TCF4: variants seen among roughly 807,000 people sequenced by gnomAD.
The protein encoded by TCF4 is transcription factor 4.
TCF4 carries 3 observed loss-of-function variants against 82.1 expected under a neutral mutation model. The ratio of observed to expected loss-of-function variants is 0.04; its 90% CI spans 0.02 to 0.09. The LOEUF is 0.09. TCF4 is among the 10% of genes least tolerant of loss of function. The probability of loss-of-function intolerance (pLI) is 1.00; values close to 1 mark genes in which losing one functional copy is unlikely to be tolerated. For synonymous variants in TCF4, 276 were observed against 309.6 expected (o/e 0.89, Z 1.14); for missense variants, 518 against 852.7 (o/e 0.61, Z 4.89).
chr18:55,239,006 T>G (rs1244028880), intron 15 of TCF4, among the ~76,000 whole-genome samples: 2 of 152,220 alleles, frequency 1.3e-5, no homozygotes, highest in East Asian at 3.8e-4. Flanking sequence ...CGGCTTGGCC[T>G]GTCCCGTCCA....
chr18:55,610,752 G>A (rs1024923456), intron 2 of TCF4, among the ~76,000 whole-genome samples: 6 of 152,202 alleles, frequency 3.9e-5, no homozygotes, highest in African/African-American at 1.2e-4. Context: ...GTCTGGGAGA[G>A]TACAATTTAA....
At chr18:55,438,159 C>T (rs138961370) in intron 5 of TCF4, among the ~76,000 whole-genome samples, 76 of 151,158 alleles carry the variant, frequency 5.0e-4, no homozygotes, top group African/African-American at 1.7e-3. Flanking sequence ...AGAGATCATA[C>T]CACTGCACTC....
At chr18:55,311,310 G>A (rs2072347781) in intron 8 of TCF4, among the ~76,000 whole-genome samples, 1 of 152,166 alleles carries the variant, frequency 6.6e-6, no homozygotes, top group South Asian at 2.1e-4. Context: ...CACTTTGCAA[G>A]CAGGACTTCC....
chr18:55,260,061 C>A, intron 12 of TCF4, 34 bp from the exon 13 acceptor site: 1 of 1,472,014 alleles, frequency 6.8e-7, no homozygotes, highest in South Asian at 1.1e-5. Context: ...AAAACACCCT[C>A]ATTCATTAAA....
At chr18:55,548,015 A>G (rs1297429416) in intron 3 of TCF4, among the ~76,000 whole-genome samples, 1 of 152,228 alleles carries the variant, frequency 6.6e-6, no homozygotes. Context: ...GCCAGCTTCT[A>G]TGTGTTCAGA....
At chr18:55,407,555 A>T (rs766273846) in intron 5 of TCF4, among the ~76,000 whole-genome samples, 1 of 152,012 alleles carries the variant, frequency 6.6e-6, no homozygotes, top group Non-Finnish European at 1.5e-5. Context: ...TTTGATTATT[A>T]AAAATGGCAC....
intron 3 of TCF4, among the ~76,000 whole-genome samples, chr18:55,569,295 T>G (rs2097438868): frequency 6.6e-6 from 1 of 150,744 alleles, no homozygotes; most frequent in Admixed American, 6.6e-5. Flanking sequence ...GTGACAGATC[T>G]ACAGAAAAAA....
chr18:55,412,428 A>C (rs1480794021), intron 5 of TCF4, among the ~76,000 whole-genome samples: 2 of 151,910 alleles, frequency 1.3e-5, no homozygotes, highest in Admixed American at 1.3e-4. Context: ...AAAATATGAG[A>C]ATCCCGGAGT....
Position 55,275,695 on chromosome 18 carries a change from T to C in TCF4, c.713A>G (p.Tyr238Cys). ...AGAAGAGTTGCCCAACATTCCTGCATAGCCAGGCTGATTCATCCCACTGGA... is the reference window on the plus strand; with the variant it reads ...AGAAGAGTTGCCCAACATTCCTGCACAGCCAGGCTGATTCATCCCACTGGA... ...SSSSGMNQPG[Y>C]AGMLGNSSHI... The change falls in exon 10 of 20, where the codon TAT becomes TGT. Residue 238 changes from tyrosine to cysteine, a missense_variant. Tyr to Cys is a radical substitution (Grantham distance 194). Transcript: ENST00000354452. The C allele has an allele frequency of 6.2e-7, 1 of 1,613,936 alleles. No individual in the cohort carries two copies. Among genetic ancestry groups the C allele is most frequent in the Non-Finnish European group, 8.5e-7 (1 of 1,179,820 alleles).
In TCF4 at chr18:55,586,988, TG is replaced by T. The variant is rs1022073337; in HGVS notation, c.72+56del. 3 of 1,473,828 alleles carry T rather than the reference TG, an allele frequency of 2.0e-6. No individual in the cohort carries two copies. The Admixed American group carries it at 5.0e-5, about 25-fold the overall frequency. 91.3% of individuals were successfully genotyped at this position (1,473,828 alleles called of 1,614,324 possible). On this transcript the variant is annotated intron_variant, in intron 2 of 19. Coordinates refer to ENST00000354452, the MANE Select transcript of TCF4 (RefSeq NM_001083962.2). ...CCTACTGGTTTCTAGCTGAAGTGTT[TG>T]GGTTTTTGTTTTGTTTTTTTCACAG...
chr18:55,270,612 G>A (rs1384225335), intron 10 of TCF4, among the ~76,000 whole-genome samples: 1 of 152,042 alleles, frequency 6.6e-6, no homozygotes, highest in African/African-American at 2.4e-5. Context: ...TTCTTTCCAT[G>A]CCCCACCTAC....
intron 8 of TCF4, among the ~76,000 whole-genome samples, chr18:55,317,831 A>G (rs993918882): frequency 6.6e-6 from 1 of 152,128 alleles, no homozygotes; most frequent in African/African-American, 2.4e-5. Context: ...TGGCCTTGAT[A>G]TCAGAAATAA....
At chr18:55,569,751 T>C (rs1349223560) in intron 3 of TCF4, among the ~76,000 whole-genome samples, 1 of 152,114 alleles carries the variant, frequency 6.6e-6, no homozygotes. Context: ...TAAAGAATTG[T>C]TTTGAGATAT....
intron 3 of TCF4, among the ~76,000 whole-genome samples, chr18:55,568,154 C>CA (rs1381414677): frequency 1.4e-5 from 2 of 139,612 alleles, no homozygotes; most frequent in Non-Finnish European, 3.1e-5. Context: ...ACTAAGTAGT[C>CA]AACTCTATTT....
chr18:55,290,610 C>A (rs1568740862), intron 8 of TCF4, among the ~76,000 whole-genome samples: 1 of 152,166 alleles, frequency 6.6e-6, no homozygotes, highest in Non-Finnish European at 1.5e-5. Flanking sequence ...TGACCTTTTG[C>A]ATACAACCCT....
At chr18:55,584,802 T>C (rs2097620120) in intron 3 of TCF4, among the ~76,000 whole-genome samples, 1 of 152,182 alleles carries the variant, frequency 6.6e-6, no homozygotes, top group Non-Finnish European at 1.5e-5. Context: ...CAAGAGGCTA[T>C]TTACAGCTAT....
At chr18:55,613,876 TTTGTTTATCC>T (rs2097709444) in intron 2 of TCF4, among the ~76,000 whole-genome samples, 1 of 152,126 alleles carries the variant, frequency 6.6e-6, no homozygotes, top group African/African-American at 2.4e-5. Context: ...TATGCCACAA[TTTGTTTATCC>T]ATTTACCTGT....
chr18:55,232,381 C>T, intron 17 of TCF4, 128 bp downstream of exon 17: 2 of 966,124 alleles, frequency 2.1e-6, no homozygotes, highest in South Asian at 1.5e-5. Context: ...CTAGAGTAGG[C>T]CTTTAATTTT....
intron 15 of TCF4, among the ~76,000 whole-genome samples, chr18:55,253,957 A>G (rs1330975807): frequency 6.6e-6 from 1 of 152,248 alleles, no homozygotes. Context: ...GAATATTTAT[A>G]GAAGCATTAT....
Sources: gnomAD v4.1 joint callset for allele counts (sites outside exome capture counted in the v4.1 genomes callset) on GRCh38, gnomAD v4.1.1 for gene constraint, MANE v1.5 for transcripts, NCBI Gene and HGNC (gene_info 2026-07-23, HGNC 2026-07-21) for gene names.